The following FRMD6 variants were observed in gnomAD, a reference collection of about 807,000 sequenced individuals.
FRMD6 encodes the protein FERM domain containing 6, also known as FERM domain-containing protein 6.
FRMD6 carries 37 observed loss-of-function variants against 73.2 expected under a neutral mutation model. That is an observed-to-expected ratio of 0.51 (90% CI 0.39 to 0.66). The LOEUF (loss-of-function observed/expected upper bound fraction) is 0.66, where lower values mean the gene tolerates loss of function less well. FRMD6 is among the 30% of genes least tolerant of loss of function. The probability of loss-of-function intolerance (pLI) is 0.00; values close to 1 mark genes in which losing one functional copy is unlikely to be tolerated. For missense variants in FRMD6, 714 were observed against 780.5 expected (o/e 0.91, Z 1.02); for synonymous variants, 273 against 282.2 (o/e 0.97, Z 0.33).
intron 1 of FRMD6, among the ~76,000 whole-genome samples, chr14:51,541,406 T>G (rs1482985291): frequency 6.6e-6 from 1 of 152,084 alleles, no homozygotes; most frequent in African/African-American, 2.4e-5. Context: ...CACACAAAAC[T>G]CCTCTTCTCA....
intron 1 of FRMD6, among the ~76,000 whole-genome samples, chr14:51,569,490 C>A (rs1213840307): frequency 2.8e-5 from 4 of 144,368 alleles, no homozygotes; most frequent in Admixed American, 2.1e-4. Context: ...ATAGAATTTT[C>A]TTTTCTTTCT....
chr14:51,629,037 C>T (rs1037957224), intron 2 of FRMD6, among the ~76,000 whole-genome samples: 7 of 151,658 alleles, frequency 4.6e-5, no homozygotes, highest in Non-Finnish European at 8.8e-5. Context: ...CCACCACGCC[C>T]GGCTAATTTT....
chr14:51,587,533 C>A lies in FRMD6; in HGVS notation c.-147+17123C>A, dbSNP rs1052035453. Among the ~76,000 whole-genome samples the A allele has an allele frequency of 2.0e-5, 3 of 152,192 alleles. No homozygotes were observed. The South Asian group carries it at 6.2e-4, about 32-fold the overall frequency. On this transcript the variant is annotated intron_variant, in intron 2 of 14. Transcript: ENST00000356218. ...TTAAAGATTTATCACTGCTGTTTCC[C>A]GTGGGGGTGTGGTTGAGTAAGGTGT...
intron 1 of FRMD6, among the ~76,000 whole-genome samples, chr14:51,676,029 G>A (rs78683281): frequency 0.035 from 5,257 of 151,792 alleles, 130 homozygotes; most frequent in Non-Finnish European, 0.049. Context: ...TTAACTTTCC[G>A]TTTAAAAATA....
intron 2 of FRMD6, among the ~76,000 whole-genome samples, chr14:51,626,747 C>T (rs1891130395): frequency 6.6e-6 from 1 of 152,196 alleles, no homozygotes; most frequent in Non-Finnish European, 1.5e-5. Context: ...TACTTATCAA[C>T]TGCCACTTTG....
chr14:51,625,829 C>G (rs1383474675), intron 2 of FRMD6, among the ~76,000 whole-genome samples: 2 of 152,062 alleles, frequency 1.3e-5, no homozygotes, highest in African/African-American at 4.8e-5. Context: ...TAACTGTGCC[C>G]CTCTCTAGAT....
At chr14:51,637,503 AT>A (rs1239619964) in intron 2 of FRMD6, 7 of 99,738 alleles carry the variant, frequency 7.0e-5, no homozygotes, top group African/African-American at 2.3e-4. Flanking sequence ...ACACACACAT[AT>A]ATTTGGAAGT....
At chr14:51,543,725 A>G (rs1483324496) in intron 1 of FRMD6, among the ~76,000 whole-genome samples, 2 of 152,074 alleles carry the variant, frequency 1.3e-5, no homozygotes, top group Non-Finnish European at 2.9e-5. Flanking sequence ...CACAAAAGAA[A>G]GAATTGCGAA....
intron 1 of FRMD6, among the ~76,000 whole-genome samples, chr14:51,570,087 T>C (rs1888046557): frequency 6.6e-6 from 1 of 152,146 alleles, no homozygotes; most frequent in Non-Finnish European, 1.5e-5. Flanking sequence ...AGTGCTGGGA[T>C]TACAGACGTG....
intron 2 of FRMD6, among the ~76,000 whole-genome samples, chr14:51,628,878 T>TTC (rs1891225425): frequency 8.5e-5 from 1 of 11,768 alleles, no homozygotes; most frequent in Non-Finnish European, 2.9e-4. Flanking sequence ...TTTTCTTTTC[T>TTC]TTTTTTTTTT....
chr14:51,621,279 T>C (rs1158193596), intron 2 of FRMD6, among the ~76,000 whole-genome samples: 1 of 152,146 alleles, frequency 6.6e-6, no homozygotes, highest in African/African-American at 2.4e-5. Context: ...CAACCCACAA[T>C]AGAGCTGTCT....
intron 1 of FRMD6, among the ~76,000 whole-genome samples, chr14:51,519,170 G>T (rs1045026180): frequency 7.0e-5 from 6 of 85,632 alleles, no homozygotes; most frequent in African/African-American, 2.4e-4. Context: ...CCCACCCCCC[G>T]CCCCCTGCCA....
chr14:51,442,374 C>T, the FRMD6 span, among the ~76,000 whole-genome samples: 137,125 of 152,030 alleles, frequency 0.9, 62,056 homozygotes, highest in Non-Finnish European at 0.92. Flanking sequence ...CATGTACTCC[C>T]ACCCCTCTTT....
At chr14:51,444,083 C>A in the FRMD6 span, among the ~76,000 whole-genome samples, 1 of 152,262 alleles carries the variant, frequency 6.6e-6, no homozygotes, top group Non-Finnish European at 1.5e-5. Flanking sequence ...CAACTGACAC[C>A]AAGCCTGGCT....
Position 51,689,881 on chromosome 14 carries a change from C to T in FRMD6, c.45C>T (p.Arg15=), listed in dbSNP as rs1457207088. ...ATAACAACAGAGTCATGCAAGACCG[C>T]CGCAGTGTGTGCATTTTCCTTCCCA... ...NFHNNRVMQD[R]RSVCIFLPND... The change falls in exon 2 of 14, where the codon CGC becomes CGT. Residue 15 remains arginine (R), a synonymous_variant. Coordinates refer to ENST00000344768, the MANE Select transcript of FRMD6 (RefSeq NM_001267046.2). 3 of 1,613,682 alleles carry T rather than the reference C, an allele frequency of 1.9e-6. No individual in the cohort carries two copies. The highest frequency in any genetic ancestry group is 1.7e-4 in the Middle Eastern group (1 of 5,942).
At chr14:51,686,542 A>G (rs1294248322) in intron 1 of FRMD6, among the ~76,000 whole-genome samples, 4 of 152,116 alleles carry the variant, frequency 2.6e-5, no homozygotes, top group Non-Finnish European at 2.9e-5. Flanking sequence ...ATAGCTCAAC[A>G]TATTGTTTTT....
chr14:51,532,648 G>C (rs995527216), intron 1 of FRMD6, among the ~76,000 whole-genome samples: 1 of 152,140 alleles, frequency 6.6e-6, no homozygotes, highest in Non-Finnish European at 1.5e-5. Context: ...TGTTTTGTGT[G>C]CTTATTTCAT....
At chr14:51,457,068 A>G in the FRMD6 span, among the ~76,000 whole-genome samples, 1 of 152,248 alleles carries the variant, frequency 6.6e-6, no homozygotes. Context: ...TCTAGTGCAC[A>G]GCAGTGTGAC....
chr14:51,675,225 G>A (rs182239592), intron 1 of FRMD6, among the ~76,000 whole-genome samples: 2 of 152,144 alleles, frequency 1.3e-5, no homozygotes, highest in East Asian at 3.9e-4. Flanking sequence ...ATTCCCCTGG[G>A]AGAAGCATGA....
Sources: gnomAD v4.1 joint callset for allele counts (sites outside exome capture counted in the v4.1 genomes callset) on GRCh38, gnomAD v4.1.1 for gene constraint, MANE v1.5 for transcripts, NCBI Gene and HGNC (gene_info 2026-07-23, HGNC 2026-07-21) for gene names.